Variants in SETX observed in about 807,000 individuals in gnomAD.
SETX encodes helicase senataxin.
SETX carries 90 observed loss-of-function variants against 227.2 expected under a neutral mutation model. The ratio of observed to expected loss-of-function variants is 0.40; its 90% CI spans 0.33 to 0.47. The LOEUF is 0.47. Among genes scored for constraint, SETX ranks in the 20% least tolerant of loss-of-function variants. The pLI is 0.91. For missense variants in SETX, 3,052 were observed against 3,181.5 expected, an observed-to-expected ratio of 0.96 and a Z score of 0.98; for synonymous variants, 1,210 against 1,113.2, an observed-to-expected ratio of 1.09 and a Z score of -1.73.
chr9:132,311,578 T>G (rs1174003784), intron 11 of SETX, among the ~76,000 whole-genome samples, 179 bp downstream of exon 11: 1 of 152,106 alleles, frequency 6.6e-6, no homozygotes, highest in Non-Finnish European at 1.5e-5. Context: ...AATCATAAAT[T>G]TTACATTCAT....
intron 10 of SETX, among the ~76,000 whole-genome samples, chr9:132,317,073 G>A (rs947400040): frequency 3.3e-5 from 5 of 152,282 alleles, no homozygotes; most frequent in African/African-American, 4.8e-5. Context: ...TGAACATAGC[G>A]CTCTCCATTT....
chr9:132,286,000 C>T (rs561586825), intron 18 of SETX, among the ~76,000 whole-genome samples: 13 of 145,722 alleles, frequency 8.9e-5, no homozygotes, highest in African/African-American at 3.1e-4. Flanking sequence ...CTGGCCAACA[C>T]GGTGAAACCC....
chr9:132,264,165 C>A lies in SETX; in HGVS notation c.*74G>T. The A allele has an allele frequency of 6.2e-7, 1 of 1,602,822 alleles. No individual in the cohort carries two copies. Among genetic ancestry groups the A allele is most frequent in the Non-Finnish European group, 8.5e-7 (1 of 1,175,962 alleles). On this transcript the variant is annotated 3_prime_UTR_variant, in exon 26 of 26. Coordinates refer to ENST00000224140, the MANE Select transcript of SETX (RefSeq NM_015046.7). The stretch of plus-strand genomic sequence containing the variant: ...AACTCCTTACAAAAAACAAGCTTAT[C>A]TAGATGGTCCCACGAGCTGGTCATC...
At chr9:132,313,855 A>G (rs1727155922) in intron 10 of SETX, among the ~76,000 whole-genome samples, 1 of 151,522 alleles carries the variant, frequency 6.6e-6, no homozygotes, top group South Asian at 2.1e-4. Context: ...AAAGAAAACA[A>G]GCTCCCTGAA....
rs1450136408 is a variant in SETX, at chr9:132,329,247, T to A, written c.2351A>T (p.Lys784Ile). Residue 784 changes from lysine to isoleucine, a missense_variant, in exon 10 of 26, where the codon AAA (lysine) becomes ATA (isoleucine). Lys to Ile is a moderately radical substitution (Grantham distance 102). Around this residue, in one of 10 missense-constraint regions of SETX, gnomAD observed 1,483 missense variants for 1,312.0 expected, o/e 1.13. Transcript: ENST00000224140. ...KTSKRKTKVQKDEICAKLSHV... is the reference protein window; with the variant it reads ...KTSKRKTKVQIDEICAKLSHV... Reference sequence around the variant, plus strand: ...TGATAACTTTGCACAGATTTCATCTTTCTGTACCTTAGTTTTTCGTTTTGA... The same window carrying A: ...TGATAACTTTGCACAGATTTCATCTATCTGTACCTTAGTTTTTCGTTTTGA... 6.2e-7 allele frequency: 1 copy of A among 1,613,994 alleles called. No homozygotes were observed. Among genetic ancestry groups the A allele is most frequent in the East Asian group, 2.2e-5 (1 of 44,838 alleles).
intron 5 of SETX, among the ~76,000 whole-genome samples, chr9:132,338,451 T>C (rs554525): frequency 0.67 from 102,492 of 152,024 alleles, 37,783 homozygotes; most frequent in Non-Finnish European, 0.83. Context: ...AAAAGTAATT[T>C]TCATGTAAGA....
chr9:132,325,103 T>C (rs894704190), intron 10 of SETX, among the ~76,000 whole-genome samples: 3 of 152,184 alleles, frequency 2.0e-5, no homozygotes, highest in Non-Finnish European at 4.4e-5. Context: ...ACGCCTGTAA[T>C]CCCAGCACTT....
chr9:132,327,399 C>A lies in SETX; in HGVS notation c.4199G>T (p.Gly1400Val), dbSNP rs1362464060. 1 of 1,614,062 alleles carries A rather than the reference C, an allele frequency of 6.2e-7. No homozygotes were observed. Among genetic ancestry groups the A allele is most frequent in the Non-Finnish European group, 8.5e-7 (1 of 1,180,018 alleles). The part of the protein sequence containing the change: ...ESDRSDYNCT[G>V]GTEVLANSNR... ...ACTGTTGGCAAGTACCTCAGTTCCTCCTGTACAATTATAATCTGACCTATC... is the reference window on the plus strand; with the variant it reads ...ACTGTTGGCAAGTACCTCAGTTCCTACTGTACAATTATAATCTGACCTATC... Residue 1400 changes from glycine (G) to valine (V), a missense_variant, in exon 10 of 26, where the codon GGA becomes GTA. Physicochemically the swap from Gly to Val is moderately radical, Grantham distance 109. Coordinates refer to ENST00000224140, the MANE Select transcript of SETX (RefSeq NM_015046.7).
rs1256366637 is a variant in SETX at position 132,329,865 on chromosome 9, C to T, written c.1733G>A (p.Ser578Asn). Residue 578 changes from serine (S) to asparagine (N), a missense_variant, in exon 10 of 26, where the codon AGT (serine) becomes AAT (asparagine). Ser to Asn is a conservative substitution (Grantham distance 46). Around this residue, in one of 10 missense-constraint regions of SETX, gnomAD observed 179 missense variants for 197.1 expected, o/e 0.91. Transcript: ENST00000224140. ...GNLSLGWQLT[S>N]QETHELQSCL... ...ACTTTGTAGCTCATGGGTTTCCTGA[C>T]TAGTCAACTGCCAACCTAGAGATAA... 1 of 1,614,136 alleles carries T rather than the reference C, an allele frequency of 6.2e-7. No homozygotes were observed. The highest frequency in any genetic ancestry group is 1.7e-5 in the Admixed American group (1 of 60,024).
rs200228952 is a variant in SETX at position 132,349,371 on chromosome 9, G to A, written c.58C>T (p.Arg20Cys). Residue 20 changes from arginine (R) to cysteine (C), a missense_variant, in exon 3 of 26, where the codon CGC becomes TGC. By Grantham distance (180) the Arg-to-Cys change is radical. Around this residue, in one of 10 missense-constraint regions of SETX, gnomAD observed 152 missense variants for 156.2 expected, o/e 0.97. Transcript: ENST00000224140. ...GGASTIDFLK[R>C]YASNTPSGEF... ...CCGGACGGAGTGTTGGAAGCATAGC[G>A]CTTTAGGAAGTCAATGGTGGAAGCA... 47 of 1,614,112 alleles carry A rather than the reference G, an allele frequency of 2.9e-5. No individual in the cohort carries two copies. In the East Asian group the frequency reaches 4.9e-4, roughly 17 times the overall value.
At chr9:132,288,377 T>A (rs748350480) in intron 16 of SETX, 26 bp from the exon 17 acceptor site, 1 of 1,542,866 alleles carries the variant, frequency 6.5e-7, no homozygotes, top group African/African-American at 1.4e-5. Context: ...AATAAAAAAT[T>A]ATATGCTATT....
At chr9:132,339,109 T>C (rs1847815844) in intron 5 of SETX, among the ~76,000 whole-genome samples, 1 of 152,198 alleles carries the variant, frequency 6.6e-6, no homozygotes, top group Admixed American at 6.6e-5. Flanking sequence ...TATGGTATTT[T>C]TTGATAAACA....
intron 25 of SETX, among the ~76,000 whole-genome samples, chr9:132,266,628 C>G (rs1360475180): frequency 6.6e-6 from 1 of 152,188 alleles, no homozygotes; most frequent in South Asian, 2.1e-4. Flanking sequence ...AAAAATTAGC[C>G]AAGTGTAGTG....
intron 23 of SETX, among the ~76,000 whole-genome samples, chr9:132,274,515 C>T (rs931130352): frequency 1.3e-5 from 2 of 150,780 alleles, no homozygotes; most frequent in African/African-American, 2.4e-5. Context: ...AATCTCAGCT[C>T]ACTGCAGCCT....
At chr9:132,285,540 G>A (rs1338038929) in intron 18 of SETX, among the ~76,000 whole-genome samples, 1 of 151,008 alleles carries the variant, frequency 6.6e-6, no homozygotes, top group African/African-American at 2.4e-5. Context: ...GAGGTTGGAC[G>A]TTCCAGACCA....
intron 15 of SETX, among the ~76,000 whole-genome samples, chr9:132,291,908 T>A (rs1354596757): frequency 6.6e-6 from 1 of 152,140 alleles, no homozygotes; most frequent in African/African-American, 2.4e-5. Context: ...GTGGAAGAAT[T>A]AAAAACAAGT....
chr9:132,326,709 C>T lies in SETX; in HGVS notation c.4889G>A (p.Gly1630Glu), dbSNP rs1306839292. 13 of 1,614,118 alleles carry T rather than the reference C, an allele frequency of 8.1e-6. No individual in the cohort carries two copies. The highest frequency in any genetic ancestry group is 1.6e-4 in the Middle Eastern group (1 of 6,062). Residue 1630 changes from glycine (G) to glutamate (E), a missense_variant, in exon 10 of 26, where the codon GGG becomes GAG. Gly to Glu is a moderately conservative substitution (Grantham distance 98). Around this residue, in one of 10 missense-constraint regions of SETX, gnomAD observed 1,483 missense variants for 1,312.0 expected, o/e 1.13. Coordinates refer to ENST00000224140, the MANE Select transcript of SETX (RefSeq NM_015046.7). ...LSPSLKNKSK[G>E]IQSILKVPQP... Reference sequence around the variant, plus strand: ...TGGTACTTTCAAAATCGACTGTATCCCCTTTGACTTATTTTTTAGAGACGG... The same window carrying T: ...TGGTACTTTCAAAATCGACTGTATCTCCTTTGACTTATTTTTTAGAGACGG...
chr9:132,339,628 G>T (rs986055055), intron 5 of SETX, among the ~76,000 whole-genome samples: 4 of 151,988 alleles, frequency 2.6e-5, no homozygotes, highest in Non-Finnish European at 2.9e-5. Context: ...CTTTCCTTTT[G>T]TGAGATGGAG....
Position 132,324,060 on chromosome 9 carries a change from TG to T in SETX, c.5274+2263del, listed in dbSNP as rs149778465. Among the ~76,000 whole-genome samples the T allele has an allele frequency of 1.8e-4, 28 of 152,294 alleles. No individual in the cohort carries two copies. In the East Asian group the frequency reaches 5.0e-3, roughly 27 times the overall value. ...ATTTTAAACTCTGTATATGTACAAA[TG>T]GAACTTGTGCTCATTCTGTTTTTAA... On this transcript the variant is annotated intron_variant, in intron 10 of 25. Coordinates refer to ENST00000224140, the MANE Select transcript of SETX (RefSeq NM_015046.7).
Sources: gnomAD v4.1 joint callset for allele counts (sites outside exome capture counted in the v4.1 genomes callset) on GRCh38, gnomAD v4.1.1 for gene constraint, gnomAD v4.1.1 regional missense constraint, MANE v1.5 for transcripts, NCBI Gene and HGNC (gene_info 2026-07-23, HGNC 2026-07-21) for gene names.